Variants in RASAL2 observed in about 807,000 individuals in gnomAD.
RASAL2 encodes the protein ras GTPase-activating protein nGAP.
RASAL2 carries 58 observed loss-of-function variants against 128.9 expected under a neutral mutation model. The observed-to-expected ratio is 0.45, with a 90% CI of 0.36 to 0.56. The LOEUF is 0.56. Among genes scored for constraint, RASAL2 ranks in the 20% least tolerant of loss-of-function variants. The pLI is 0.00. For missense variants in RASAL2, 1,360 were observed against 1,601.6 expected, an observed-to-expected ratio of 0.85 and a Z score of 2.57; for synonymous variants, 561 against 580.8, an observed-to-expected ratio of 0.97 and a Z score of 0.49.
At chr1:178,170,923 A>AT (rs994694747) in intron 1 of RASAL2, among the ~76,000 whole-genome samples, 1 of 151,698 alleles carries the variant, frequency 6.6e-6, no homozygotes, top group African/African-American at 2.4e-5. Context: ...TTTCTCACTT[A>AT]TTTTTTATGA....
rs546058607 is a variant in RASAL2, at chr1:178,169,664, G to A, written c.202+74970G>A. Among the ~76,000 whole-genome samples the A allele has an allele frequency of 7.9e-5, 12 of 151,970 alleles. No individual in the cohort carries two copies. The South Asian group carries it at 1.9e-3, about 24-fold the overall frequency. Reference sequence around the variant, plus strand: ...TTTCAAGTTTGTACCTTTCCCAGCCGTTCTATTTATTGTTGAAATTATCCT... The same window carrying A: ...TTTCAAGTTTGTACCTTTCCCAGCCATTCTATTTATTGTTGAAATTATCCT... On this transcript the variant is annotated intron_variant, in intron 1 of 17. Coordinates refer to ENST00000367649, the MANE Select transcript of RASAL2 (RefSeq NM_170692.4).
At chr1:178,242,290 G>A (rs191216801) in intron 1 of RASAL2, among the ~76,000 whole-genome samples, 24 of 152,050 alleles carry the variant, frequency 1.6e-4, no homozygotes, top group East Asian at 5.8e-4. Flanking sequence ...ATACTTACAC[G>A]TTCCCATATT....
intron 1 of RASAL2, among the ~76,000 whole-genome samples, chr1:178,178,656 G>C (rs1661974216): frequency 6.6e-6 from 1 of 152,080 alleles, no homozygotes; most frequent in South Asian, 2.1e-4. Context: ...TTCTGAATTC[G>C]TGCCAGCTAC....
intron 3 of RASAL2, among the ~76,000 whole-genome samples, chr1:178,375,415 A>G (rs1170758505): frequency 1.3e-5 from 2 of 152,188 alleles, no homozygotes; most frequent in African/African-American, 2.4e-5. Context: ...GTTTTTTAGA[A>G]AGACATCTGA....
intron 5 of RASAL2, among the ~76,000 whole-genome samples, chr1:178,439,050 C>T (rs907353880): frequency 6.6e-6 from 1 of 151,704 alleles, no homozygotes; most frequent in Non-Finnish European, 1.5e-5. Flanking sequence ...TTTGGCAATA[C>T]CTTTGCATAA....
At chr1:178,422,623 T>C (rs1675227449) in intron 5 of RASAL2, among the ~76,000 whole-genome samples, 1 of 152,142 alleles carries the variant, frequency 6.6e-6, no homozygotes, top group African/African-American at 2.4e-5. Flanking sequence ...GTACAAGATA[T>C]TGATCAGCTG....
At chr1:178,279,842 CTT>C (rs1393776576) in intron 1 of RASAL2, among the ~76,000 whole-genome samples, 1 of 152,124 alleles carries the variant, frequency 6.6e-6, no homozygotes, top group African/African-American at 2.4e-5. Context: ...TACTTGAAGT[CTT>C]TTCTGATGAG....
At position 178,300,627 on chromosome 1, in the gene RASAL2, G is replaced by A. The variant is rs553152859; in HGVS notation, c.457+509G>A. Reference sequence around the variant, plus strand: ...TATGGTTGGAGTGGGTGACAAAAGGGAGAAATCCTACTTCCATTTTTCCAG... The same window carrying A: ...TATGGTTGGAGTGGGTGACAAAAGGAAGAAATCCTACTTCCATTTTTCCAG... On this transcript the variant is annotated intron_variant, in intron 3 of 17. Transcript: ENST00000367649. 7.2e-5 allele frequency among the ~76,000 whole-genome samples: 11 copies of A among 152,232 alleles called. No homozygotes were observed. In the East Asian group the frequency reaches 2.1e-3, roughly 29 times the overall value.
intron 3 of RASAL2, among the ~76,000 whole-genome samples, chr1:178,331,791 G>A (rs1470563849): frequency 6.6e-6 from 1 of 151,796 alleles, no homozygotes; most frequent in Admixed American, 6.6e-5. Context: ...GTTTCACTAT[G>A]TTGGCCAGCC....
chr1:178,473,293 C>T lies in RASAL2; in HGVS notation c.*54C>T. On this transcript the variant is annotated 3_prime_UTR_variant, in exon 18 of 18. Transcript: ENST00000367649. ...GGAAATTGACCCACTCTCCTATCTC[C>T]AGACCTTTACCTAGCCCCTCCAGGT... 6.3e-7 allele frequency: 1 copy of T among 1,598,776 alleles called. No homozygotes were observed. The highest frequency in any genetic ancestry group is 8.6e-7 in the Non-Finnish European group (1 of 1,167,296).
intron 1 of RASAL2, among the ~76,000 whole-genome samples, chr1:178,160,166 A>G (rs1661229925): frequency 6.6e-6 from 1 of 152,132 alleles, no homozygotes; most frequent in Non-Finnish European, 1.5e-5. Context: ...TAGTTTTACA[A>G]ACTACAATAG....
intron 11 of RASAL2, 112 bp from the exon 12 acceptor site, chr1:178,454,335 A>G (rs1677611071): frequency 1.3e-6 from 1 of 745,044 alleles, no homozygotes; most frequent in African/African-American, 2.4e-5. Flanking sequence ...AAACAAAATT[A>G]GTCATTCCCT....
intron 1 of RASAL2, among the ~76,000 whole-genome samples, chr1:178,241,096 A>G (rs974961417): frequency 6.6e-6 from 1 of 152,020 alleles, no homozygotes; most frequent in Non-Finnish European, 1.5e-5. Flanking sequence ...AAATTTTAAA[A>G]TAGGATGAAT....
intron 1 of RASAL2, among the ~76,000 whole-genome samples, chr1:178,164,852 TGTG>T (rs1661467511): frequency 1.3e-5 from 2 of 151,302 alleles, no homozygotes; most frequent in African/African-American, 4.9e-5. Flanking sequence ...TGTGTGTGTG[TGTG>T]TGTGTGTGTG....
intron 1 of RASAL2, among the ~76,000 whole-genome samples, chr1:178,199,683 GTGTT>G (rs1308698076): frequency 6.6e-6 from 1 of 150,498 alleles, no homozygotes; most frequent in Non-Finnish European, 1.5e-5. Context: ...CCAATCTTCT[GTGTT>G]TTTTTTTGGA....
intron 1 of RASAL2, among the ~76,000 whole-genome samples, chr1:178,095,952 G>A (rs1471948154): frequency 2.0e-5 from 3 of 152,128 alleles, no homozygotes; most frequent in African/African-American, 7.2e-5. Context: ...CTTATAACCA[G>A]TTCTTAAGGA....
At chr1:178,180,485 C>CAAAAAAAAAAAAAAA (rs71108033) in intron 1 of RASAL2, among the ~76,000 whole-genome samples, 2 of 72,562 alleles carry the variant, frequency 2.8e-5, no homozygotes, top group African/African-American at 1.0e-4. Context: ...TCATCTCTAC[C>CAAAAAAAAAAAAAAA]AAAAAAAAAA....
intron 5 of RASAL2, among the ~76,000 whole-genome samples, chr1:178,437,341 T>A (rs368979777): frequency 2.0e-5 from 3 of 152,218 alleles, no homozygotes; most frequent in African/African-American, 7.2e-5. Flanking sequence ...CTTCTATTTG[T>A]TCTCGTCTTC....
chr1:178,312,388 C>A (rs190541791), intron 3 of RASAL2, among the ~76,000 whole-genome samples: 232 of 152,212 alleles, frequency 1.5e-3, no homozygotes, highest in African/African-American at 5.4e-3. Context: ...TGAGGAATGC[C>A]CTCAAAATTC....
Sources: allele counts gnomAD v4.1 joint callset (sites outside exome capture counted in the v4.1 genomes callset), GRCh38; gene constraint gnomAD v4.1.1; transcripts MANE v1.5; gene names NCBI Gene and HGNC (gene_info 2026-07-23, HGNC 2026-07-21).